Variants in GRIP1 observed in about 807,000 individuals in gnomAD.
The protein encoded by GRIP1 is glutamate receptor interacting protein 1, also known as glutamate receptor-interacting protein 1.
Under a neutral mutation model 129.9 loss-of-function variants are expected in GRIP1, and 45 were observed. That is an observed-to-expected ratio of 0.35 (90% CI 0.27 to 0.44). GRIP1 has a LOEUF of 0.44. Among genes scored for constraint, GRIP1 ranks in the 20% least tolerant of loss-of-function variants. GRIP1 has a pLI of 1.00. For synonymous variants in GRIP1, 530 were observed against 520.8 expected (o/e 1.02, Z -0.24); for missense variants, 1,196 against 1,396.8 (o/e 0.86, Z 2.29).
chr12:66,984,427 T>C (rs1181698544), intron 1 of GRIP1, among the ~76,000 whole-genome samples: 7 of 152,212 alleles, frequency 4.6e-5, no homozygotes, highest in African/African-American at 1.4e-4. Context: ...ATCTTTAGAT[T>C]GTCTTCATAA....
chr12:66,929,432 G>A lies in GRIP1; in HGVS notation c.58+139618C>T, dbSNP rs111433757. On this transcript the variant is annotated intron_variant, in intron 1 of 1. Coordinates refer to the GRIP1 transcript ENST00000643019. Reference sequence around the variant, plus strand: ...ACCTTATGTACATATTCATTCCCCTGTATATTGTCTGGCTTCCTCCCTCTT... The same window carrying A: ...ACCTTATGTACATATTCATTCCCCTATATATTGTCTGGCTTCCTCCCTCTT... Among the ~76,000 whole-genome samples the A allele has an allele frequency of 3.1e-3, 468 of 152,286 alleles. 3 individuals carry two copies. Among genetic ancestry groups the A allele is most frequent in the African/African-American group, 0.011 (448 of 41,552 alleles).
rs1056357623 is a variant in GRIP1 at position 66,348,451 on chromosome 12, C to CTAT, written c.*565_*567dup. 3 of 156,964 alleles carry CTAT rather than the reference C, an allele frequency of 1.9e-5. No individual in the cohort carries two copies. Among genetic ancestry groups the CTAT allele is most frequent in the African/African-American group, 7.2e-5 (3 of 41,450 alleles). The allele number at this position is 156,964 out of a possible 1,614,324, so 9.7% of individuals were successfully genotyped here. ...ACGTGGGCAAAACATTTACCACCACCTATTATGGTCTCCTACGTGCATCAT... is the reference window on the plus strand; with the variant it reads ...ACGTGGGCAAAACATTTACCACCACCTATTATTATGGTCTCCTACGTGCATCAT... On this transcript the variant is annotated 3_prime_UTR_variant, in exon 25 of 25. Transcript: ENST00000359742.
chr12:67,046,797 T>C (rs1055224179), intron 1 of GRIP1, among the ~76,000 whole-genome samples: 1 of 152,172 alleles, frequency 6.6e-6, no homozygotes. Flanking sequence ...AGTAGTGGGA[T>C]CCTTCACTCT....
intron 2 of GRIP1, among the ~76,000 whole-genome samples, chr12:66,596,646 C>A (rs2064062010): frequency 6.6e-6 from 1 of 152,180 alleles, no homozygotes; most frequent in Non-Finnish European, 1.5e-5. Flanking sequence ...AAGATGAATT[C>A]TCACAAGTTG....
At chr12:66,586,664 T>G (rs1403089801) in intron 2 of GRIP1, among the ~76,000 whole-genome samples, 1 of 152,190 alleles carries the variant, frequency 6.6e-6, no homozygotes, top group Non-Finnish European at 1.5e-5. Context: ...TACCCAATTG[T>G]TAAGAGCAAA....
intron 1 of GRIP1, among the ~76,000 whole-genome samples, chr12:66,612,391 G>A (rs1434599909): frequency 1.3e-5 from 2 of 152,110 alleles, no homozygotes; most frequent in Non-Finnish European, 2.9e-5. Context: ...TGGGTTCAGT[G>A]GTTCTGTGTG....
At chr12:66,765,981 G>A (rs1403045543) in intron 1 of GRIP1, among the ~76,000 whole-genome samples, 1 of 152,136 alleles carries the variant, frequency 6.6e-6, no homozygotes, top group Non-Finnish European at 1.5e-5. Context: ...GACCACTCAA[G>A]ACTGTTCTGG....
intron 1 of GRIP1, among the ~76,000 whole-genome samples, chr12:67,066,502 G>A (rs1490951699): frequency 6.6e-6 from 1 of 152,140 alleles, no homozygotes; most frequent in Non-Finnish European, 1.5e-5. Flanking sequence ...GATTGGGGTT[G>A]TGGGGAATGT....
chr12:66,985,056 C>A (rs1012827721), intron 1 of GRIP1, among the ~76,000 whole-genome samples: 2 of 152,148 alleles, frequency 1.3e-5, no homozygotes, highest in African/African-American at 4.8e-5. Context: ...CTAGGTAGGA[C>A]CTTGGTTTGG....
At chr12:66,597,031 T>C in intron 1 of GRIP1, 104 bp from the exon 2 acceptor site, 1 of 834,564 alleles carries the variant, frequency 1.2e-6, no homozygotes, top group Non-Finnish European at 2.1e-6. Context: ...AGTGGTACAG[T>C]ACAGTGGAAA....
chr12:66,936,426 C>CA (rs35370978), intron 1 of GRIP1, among the ~76,000 whole-genome samples: 1,265 of 87,736 alleles, frequency 0.014, 10 homozygotes, highest in African/African-American at 0.021. Flanking sequence ...ACCCTGTCTC[C>CA]AAAAAAAAAA....
intron 1 of GRIP1, among the ~76,000 whole-genome samples, chr12:66,644,123 T>C (rs1031908809): frequency 1.3e-5 from 2 of 152,106 alleles, no homozygotes; most frequent in Admixed American, 6.5e-5. Context: ...GTGAGACTTA[T>C]TCTCTACCAG....
At chr12:66,375,229 T>C (rs1308323568) in intron 22 of GRIP1, among the ~76,000 whole-genome samples, 1 of 152,170 alleles carries the variant, frequency 6.6e-6, no homozygotes, top group Non-Finnish European at 1.5e-5. Flanking sequence ...TAAAAACTTG[T>C]CCAAAGACTC....
chr12:66,468,004 CAG>C (rs2059334273), intron 7 of GRIP1, among the ~76,000 whole-genome samples: 1 of 152,192 alleles, frequency 6.6e-6, no homozygotes, highest in African/African-American at 2.4e-5. Context: ...TTAGGAATGA[CAG>C]AAACTGCTAG....
At chr12:66,619,931 TG>T (rs1290345564) in intron 1 of GRIP1, among the ~76,000 whole-genome samples, 1 of 152,210 alleles carries the variant, frequency 6.6e-6, no homozygotes, top group African/African-American at 2.4e-5. Flanking sequence ...TTGAACTTAC[TG>T]CCTCTTAAAA....
intron 1 of GRIP1, among the ~76,000 whole-genome samples, chr12:67,019,216 C>T (rs1470648347): frequency 6.6e-6 from 1 of 152,170 alleles, no homozygotes; most frequent in African/African-American, 2.4e-5. Flanking sequence ...ACAATACACA[C>T]GCACGAATAT....
At chr12:66,454,523 G>A (rs907232196) in intron 11 of GRIP1, among the ~76,000 whole-genome samples, 5 of 152,218 alleles carry the variant, frequency 3.3e-5, no homozygotes, top group African/African-American at 7.2e-5. Context: ...ATCATGATAA[G>A]AGAGAATGAT....
chr12:67,029,961 AG>A (rs1233562933), intron 1 of GRIP1, among the ~76,000 whole-genome samples: 12 of 151,146 alleles, frequency 7.9e-5, no homozygotes, highest in Non-Finnish European at 1.3e-4. Flanking sequence ...GCACTTTGGG[AG>A]GGCCAAGGCG....
intron 23 of GRIP1, among the ~76,000 whole-genome samples, chr12:66,364,273 AAAAAAAAAAAAAAAAAAG>A (rs1158280368): frequency 1.4e-5 from 2 of 146,090 alleles, no homozygotes; most frequent in Non-Finnish European, 3.0e-5. Flanking sequence ...CTCAAAAAAA[AAAAAAAAAAAAAAAAAAG>A]AAAGAAAGAA....
Sources: gnomAD v4.1 joint callset for allele counts (sites outside exome capture counted in the v4.1 genomes callset) on GRCh38, gnomAD v4.1.1 for gene constraint, MANE v1.5 for transcripts, NCBI Gene and HGNC (gene_info 2026-07-23, HGNC 2026-07-21) for gene names.